The following RAB10 variants were observed in gnomAD, a reference collection of about 807,000 sequenced individuals.
RAB10 encodes RAB10, member RAS oncogene family.
RAB10 carries 5 observed loss-of-function variants against 25.7 expected under a neutral mutation model. The ratio of observed to expected loss-of-function variants is 0.19; its 90% CI spans 0.10 to 0.41. RAB10 has a LOEUF of 0.41. Ranked by LOEUF, RAB10 falls within the 10% of genes least tolerant of loss-of-function variation. The pLI is 1.00. For missense variants in RAB10, 103 were observed against 245.8 expected (o/e 0.42, Z 3.89); for synonymous variants, 89 against 86.4 (o/e 1.03, Z -0.16).
chr2:26,134,938 A>T lies in RAB10; in HGVS notation c.520A>T (p.Thr174Ser), dbSNP rs1281406418. The change falls in exon 6 of 6, where the codon ACC (threonine) becomes TCC (serine). Residue 174 changes from threonine (T) to serine (S), a missense_variant and splice_region_variant. By Grantham distance (58) the Thr-to-Ser change is moderately conservative. Coordinates refer to ENST00000264710, the MANE Select transcript of RAB10 (RefSeq NM_016131.5). ...LTLAEDILRKTPVKEPNSENV... is the reference protein window; with the variant it reads ...LTLAEDILRKSPVKEPNSENV... ...TATTTTCCTTGTGTGTTTGTTGCAG[A>T]CCCCTGTAAAAGAGCCCAACAGTGA... The T allele has an allele frequency of 6.2e-7, 1 of 1,611,192 alleles. No individual in the cohort carries two copies. The highest frequency in any genetic ancestry group is 1.7e-5 in the Admixed American group (1 of 59,760).
At chr2:26,057,109 A>G (rs1666283132) in intron 1 of RAB10, among the ~76,000 whole-genome samples, 1 of 152,228 alleles carries the variant, frequency 6.6e-6, no homozygotes, top group Non-Finnish European at 1.5e-5. Flanking sequence ...GAGAGGCATG[A>G]TATTCCACCC....
intron 1 of RAB10, among the ~76,000 whole-genome samples, chr2:26,067,395 C>A (rs1184887180): frequency 6.6e-6 from 1 of 152,196 alleles, no homozygotes; most frequent in Non-Finnish European, 1.5e-5. Context: ...TATCTGCATA[C>A]TCTATGAAAG....
At chr2:26,102,481 C>G (rs1667364113) in intron 2 of RAB10, among the ~76,000 whole-genome samples, 1 of 150,264 alleles carries the variant, frequency 6.7e-6, no homozygotes, top group East Asian at 1.9e-4. Flanking sequence ...CTCTGTCACC[C>G]AGGCTGGAGT....
At chr2:26,117,631 A>AG (rs1389085756) in intron 3 of RAB10, among the ~76,000 whole-genome samples, 1 of 145,366 alleles carries the variant, frequency 6.9e-6, no homozygotes, top group Non-Finnish European at 1.5e-5. Flanking sequence ...AAAAAAAAAA[A>AG]AAAACAAAAA....
At chr2:26,115,337 A>G (rs1667661437) in intron 3 of RAB10, among the ~76,000 whole-genome samples, 1 of 151,798 alleles carries the variant, frequency 6.6e-6, no homozygotes, top group African/African-American at 2.4e-5. Flanking sequence ...ACCAGAAACA[A>G]CCCAAACATC....
chr2:26,090,762 CCT>C (rs1407766775), intron 1 of RAB10, among the ~76,000 whole-genome samples: 10 of 151,868 alleles, frequency 6.6e-5, no homozygotes. Flanking sequence ...AGTGAAACCC[CCT>C]CTCTACTAAA....
At chr2:26,072,073 T>TGC (rs368285647) in intron 1 of RAB10, among the ~76,000 whole-genome samples, 2 of 8,084 alleles carry the variant, frequency 2.5e-4, no homozygotes, top group African/African-American at 6.8e-4. Flanking sequence ...GTTATAAAAT[T>TGC]GCGCAGATAA....
chr2:26,040,670 C>T (rs1665864850), intron 1 of RAB10, among the ~76,000 whole-genome samples: 1 of 152,016 alleles, frequency 6.6e-6, no homozygotes, highest in Non-Finnish European at 1.5e-5. Context: ...AAAACAAAAA[C>T]AGAAAACATC....
chr2:26,067,136 C>CTT (rs1468347003), intron 1 of RAB10, among the ~76,000 whole-genome samples: 1 of 152,050 alleles, frequency 6.6e-6, no homozygotes, highest in Non-Finnish European at 1.5e-5. Flanking sequence ...AAGCAGGTCT[C>CTT]AAACTCCTGG....
intron 3 of RAB10, among the ~76,000 whole-genome samples, chr2:26,124,260 T>C (rs991606892): frequency 2.6e-5 from 4 of 151,966 alleles, no homozygotes; most frequent in Non-Finnish European, 5.9e-5. Flanking sequence ...AAGGGTCAAC[T>C]GTATGTTGTT....
intron 1 of RAB10, among the ~76,000 whole-genome samples, chr2:26,060,202 C>G (rs1206257349): frequency 1.3e-5 from 2 of 152,214 alleles, no homozygotes; most frequent in African/African-American, 2.4e-5. Flanking sequence ...TATTGAACAA[C>G]TGCTGTGTGC....
chr2:26,033,725 C>T (rs919850394), upstream of RAB10, among the ~76,000 whole-genome samples: 3 of 152,150 alleles, frequency 2.0e-5, no homozygotes. Context: ...AGCGGGAGAC[C>T]CCGGGAGGGG....
intron 1 of RAB10, among the ~76,000 whole-genome samples, chr2:26,071,696 A>C (rs940676827): frequency 2.0e-5 from 3 of 151,936 alleles, no homozygotes; most frequent in Admixed American, 1.3e-4. Context: ...CTCAAAAAAA[A>C]AAAAAAGGAA....
chr2:26,090,000 T>C (rs992831233), intron 1 of RAB10, among the ~76,000 whole-genome samples: 11 of 152,314 alleles, frequency 7.2e-5, no homozygotes, highest in Non-Finnish European at 1.6e-4. Context: ...GTTTTTCATA[T>C]AAATTCTAAT....
At chr2:26,093,177 T>A (rs1667144357) in intron 1 of RAB10, among the ~76,000 whole-genome samples, 1 of 152,158 alleles carries the variant, frequency 6.6e-6, no homozygotes, top group Non-Finnish European at 1.5e-5. Context: ...TGAATGATAT[T>A]GTTTCTTCCT....
chr2:26,098,938 T>G (rs1333702618), intron 2 of RAB10, among the ~76,000 whole-genome samples: 1 of 152,222 alleles, frequency 6.6e-6, no homozygotes, highest in Non-Finnish European at 1.5e-5. Context: ...AGGCAGATTA[T>G]ATACTCATTA....
chr2:26,064,506 AT>A (rs1256809412), intron 1 of RAB10, among the ~76,000 whole-genome samples: 6 of 150,168 alleles, frequency 4.0e-5, no homozygotes, highest in East Asian at 3.9e-4. Context: ...GGAAAAAAAA[AT>A]TTTTTTTTTC....
At chr2:26,120,110 T>G (rs1433023928) in intron 3 of RAB10, among the ~76,000 whole-genome samples, 1 of 152,240 alleles carries the variant, frequency 6.6e-6, no homozygotes, top group Non-Finnish European at 1.5e-5. Context: ...TGCTTGCACC[T>G]AACTTACAGG....
chr2:26,074,427 TA>T (rs1191021649), intron 1 of RAB10, among the ~76,000 whole-genome samples: 1 of 152,204 alleles, frequency 6.6e-6, no homozygotes. Context: ...TTTAATATTT[TA>T]TTTTTTTGAG....
Sources: allele counts gnomAD v4.1 joint callset (sites outside exome capture counted in the v4.1 genomes callset), GRCh38; gene constraint gnomAD v4.1.1; transcripts MANE v1.5; gene names NCBI Gene and HGNC (gene_info 2026-07-23, HGNC 2026-07-21).